Variants in ZNF678 observed in about 807,000 individuals in gnomAD.
ZNF678 encodes the protein zinc finger protein 678.
ZNF678 carries 5 observed loss-of-function variants against 3.0 expected under a neutral mutation model. The observed-to-expected ratio is 1.69, with a 90% CI of 0.88 to 3.56. The LOEUF (loss-of-function observed/expected upper bound fraction) is 3.56, where lower values mean the gene tolerates loss of function less well. Among genes scored for constraint, ZNF678 ranks in the 30% most tolerant of loss-of-function variants. The probability of loss-of-function intolerance (pLI) is 0.00; values close to 1 mark genes in which losing one functional copy is unlikely to be tolerated. For missense variants in ZNF678, 593 were observed against 605.0 expected, an observed-to-expected ratio of 0.98 and a Z score of 0.21; for synonymous variants, 218 against 199.6, an observed-to-expected ratio of 1.09 and a Z score of -0.78.
At chr1:227,637,217 C>G (rs1393558132) in intron 1 of ZNF678, among the ~76,000 whole-genome samples, 1 of 152,124 alleles carries the variant, frequency 6.6e-6, no homozygotes, top group Non-Finnish European at 1.5e-5. Context: ...GGGTCTTGGG[C>G]AGTTGTAGCT....
chr1:227,570,206 C>T (rs574550689), intron 1 of ZNF678, among the ~76,000 whole-genome samples: 13 of 152,314 alleles, frequency 8.5e-5, no homozygotes, highest in African/African-American at 3.1e-4. Flanking sequence ...CACTGAGTAC[C>T]TAGCAAGGTT....
chr1:227,632,916 T>C (rs927545629), intron 1 of ZNF678, among the ~76,000 whole-genome samples: 1 of 152,154 alleles, frequency 6.6e-6, no homozygotes, highest in African/African-American at 2.4e-5. Context: ...TTCCTTGGAA[T>C]GGAACCTTGG....
chr1:227,604,807 A>T (rs1160096192), intron 1 of ZNF678, among the ~76,000 whole-genome samples: 1 of 152,182 alleles, frequency 6.6e-6, no homozygotes, highest in Non-Finnish European at 1.5e-5. Context: ...ATTACCTTTT[A>T]AAAAATGTGT....
chr1:227,599,327 A>T (rs751082364), intron 1 of ZNF678, among the ~76,000 whole-genome samples: 6 of 152,194 alleles, frequency 3.9e-5, no homozygotes, highest in Non-Finnish European at 8.8e-5. Context: ...CTGAGTGCAC[A>T]GTCGCACGCT....
intron 5 of ZNF678, among the ~76,000 whole-genome samples, chr1:227,674,791 C>T (rs1045163841): frequency 4.6e-5 from 7 of 151,938 alleles, no homozygotes; most frequent in South Asian, 4.2e-4. Context: ...TTAGTAGAGA[C>T]GGGGTTTCAC....
intron 1 of ZNF678, among the ~76,000 whole-genome samples, chr1:227,585,565 G>C (rs569398757): frequency 5.6e-4 from 85 of 152,278 alleles, no homozygotes; most frequent in African/African-American, 1.9e-3. Context: ...ACGAGGTCAA[G>C]AGATCGAGAC....
chr1:227,579,668 C>G (rs539212747), intron 1 of ZNF678, among the ~76,000 whole-genome samples: 1 of 152,096 alleles, frequency 6.6e-6, no homozygotes, highest in Non-Finnish European at 1.5e-5. Context: ...GGGCATAGTG[C>G]ATCAGTGCAA....
chr1:227,679,391 G>A (rs1237639178), downstream of ZNF678, among the ~76,000 whole-genome samples: 1 of 152,024 alleles, frequency 6.6e-6, no homozygotes, highest in Non-Finnish European at 1.5e-5. Flanking sequence ...TTAAAAGATC[G>A]ACCCTGGCCT....
In ZNF678 at chr1:227,662,459, G is replaced by A. The variant is rs188637371; in HGVS notation, c.*6631G>A. 1.1e-4 allele frequency: 16 copies of A among 152,226 alleles called. No homozygotes were observed. Among genetic ancestry groups the A allele is most frequent in the Middle Eastern group, 3.4e-3 (1 of 294 alleles). The allele number at this position is 152,226 out of a possible 1,614,324, so 9.4% of individuals were successfully genotyped here. The stretch of plus-strand genomic sequence containing the variant: ...TTTACAATAAACCTTTTGACCTAAC[G>A]CACATACTTGTTTTCTTTAACATTA... On this transcript the variant is annotated 3_prime_UTR_variant, in exon 4 of 4. Coordinates refer to ENST00000343776, the MANE Select transcript of ZNF678 (RefSeq NM_001367909.1).
chr1:227,671,074 CTTT>C (rs200510182), intron 5 of ZNF678, among the ~76,000 whole-genome samples: 9 of 120,554 alleles, frequency 7.5e-5, no homozygotes, highest in African/African-American at 2.7e-4. Context: ...AGTGGATCAC[CTTT>C]TTTTTTTTTT....
At position 227,654,391 on chromosome 1, in the gene ZNF678, A is replaced by C. The variant is rs1189229395; in HGVS notation, c.141A>C (p.Leu47Phe). The C allele has an allele frequency of 1.2e-6, 2 of 1,604,570 alleles. No homozygotes were observed. The highest frequency in any genetic ancestry group is 1.7e-6 in the Non-Finnish European group (2 of 1,176,290). ...DLLPEQDMKD[L>F]CQKVTLTRHR... The stretch of plus-strand genomic sequence containing the variant: ...TGCCAGAGCAGGATATGAAAGATTT[A>C]TGCCAAAAAGTGACACTGACAAGAC... The change falls in exon 4 of 4, where the codon TTA becomes TTC. Residue 47 changes from leucine (L) to phenylalanine (F), a missense_variant. Coordinates refer to ENST00000343776, the MANE Select transcript of ZNF678 (RefSeq NM_001367909.1).
chr1:227,633,468 G>T (rs1658601804), intron 1 of ZNF678, among the ~76,000 whole-genome samples: 1 of 152,170 alleles, frequency 6.6e-6, no homozygotes. Flanking sequence ...TGAGTTACAA[G>T]CCCCGTGTTT....
chr1:227,646,190 T>C (rs1374374597), intron 1 of ZNF678, among the ~76,000 whole-genome samples: 5 of 152,242 alleles, frequency 3.3e-5, no homozygotes, highest in South Asian at 2.1e-4. Context: ...TTTCTTGTTG[T>C]ATGCGTTAAA....
At chr1:227,642,738 T>C (rs1015073883) in intron 1 of ZNF678, among the ~76,000 whole-genome samples, 4 of 151,744 alleles carry the variant, frequency 2.6e-5, no homozygotes, top group African/African-American at 9.7e-5. Flanking sequence ...TGAAGACTGT[T>C]GATGGGGTTG....
At chr1:227,635,079 G>A (rs1276561684) in intron 1 of ZNF678, among the ~76,000 whole-genome samples, 2 of 85,702 alleles carry the variant, frequency 2.3e-5, no homozygotes, top group African/African-American at 1.3e-4. Flanking sequence ...GTCTCTGCCT[G>A]GTAATCAAAA....
Position 227,581,355 on chromosome 1 carries a change from AAAG to A in ZNF678, c.-164+17635_-164+17637del, listed in dbSNP as rs201660323. 3.8e-4 allele frequency among the ~76,000 whole-genome samples: 58 copies of A among 152,164 alleles called. No individual in the cohort carries two copies. The East Asian group carries it at 7.7e-3, about 20-fold the overall frequency. ...CATTAAAAAGAGGAATAAAGAAAGAAAAGAAGGAAGGAAGGAAGAGAGGAAAAG... is the reference window on the plus strand; with the variant it reads ...CATTAAAAAGAGGAATAAAGAAAGAAAAGGAAGGAAGGAAGAGAGGAAAAG... On this transcript the variant is annotated intron_variant, in intron 1 of 3. Transcript: ENST00000343776.
chr1:227,574,198 T>G (rs1307690928), intron 1 of ZNF678, among the ~76,000 whole-genome samples: 1 of 152,212 alleles, frequency 6.6e-6, no homozygotes, highest in Non-Finnish European at 1.5e-5. Flanking sequence ...AGTAATGAGA[T>G]AGCTGGGTCA....
intron 1 of ZNF678, among the ~76,000 whole-genome samples, chr1:227,602,538 G>C (rs939871547): frequency 4.6e-5 from 7 of 152,156 alleles, no homozygotes; most frequent in Non-Finnish European, 7.3e-5. Context: ...GTAATTCGTA[G>C]AGTGCAATTA....
intron 1 of ZNF678, among the ~76,000 whole-genome samples, chr1:227,637,520 G>A (rs1004858335): frequency 6.6e-6 from 1 of 152,190 alleles, no homozygotes; most frequent in East Asian, 1.9e-4. Flanking sequence ...GCAACAACCT[G>A]GAGGGTGAGT....
Sources: allele counts gnomAD v4.1 joint callset (sites outside exome capture counted in the v4.1 genomes callset), GRCh38; gene constraint gnomAD v4.1.1; transcripts MANE v1.5; gene names NCBI Gene and HGNC (gene_info 2026-07-23, HGNC 2026-07-21).